CADM2: variants seen among roughly 807,000 people sequenced by gnomAD.
The protein encoded by CADM2 is immunoglobulin superfamily member 4D.
A neutral mutation model predicts 49.8 loss-of-function variants in CADM2; 12 were observed. That is an observed-to-expected ratio of 0.24 (90% CI 0.15 to 0.39). The LOEUF (loss-of-function observed/expected upper bound fraction) is 0.39, where lower values mean the gene tolerates loss of function less well. CADM2 is among the 10% of genes least tolerant of loss of function. CADM2 has a pLI of 1.00. For synonymous variants in CADM2, 214 were observed against 175.4 expected, an observed-to-expected ratio of 1.22 and a Z score of -1.74; for missense variants, 378 against 492.3, an observed-to-expected ratio of 0.77 and a Z score of 2.20.
At chr3:85,540,923 T>C (rs2061524328) in intron 1 of CADM2, among the ~76,000 whole-genome samples, 1 of 152,116 alleles carries the variant, frequency 6.6e-6, no homozygotes, top group Non-Finnish European at 1.5e-5. Flanking sequence ...TGTGTCTCTT[T>C]CTTTTCTTAT....
intron 1 of CADM2, among the ~76,000 whole-genome samples, chr3:85,353,605 G>A (rs529152403): frequency 1.3e-5 from 2 of 149,970 alleles, no homozygotes; most frequent in Admixed American, 6.6e-5. Flanking sequence ...TAAGGATCGT[G>A]TTTGTTTTCC....
At chr3:86,054,348 T>A (rs1737672831) in intron 8 of CADM2, among the ~76,000 whole-genome samples, 1 of 152,058 alleles carries the variant, frequency 6.6e-6, no homozygotes, top group African/African-American at 2.4e-5. Context: ...TATAACAGAA[T>A]TGATTTGACT....
chr3:86,021,516 G>T (rs898634261), intron 8 of CADM2, among the ~76,000 whole-genome samples: 2 of 152,034 alleles, frequency 1.3e-5, no homozygotes, highest in African/African-American at 4.8e-5. Flanking sequence ...TCTACAAAAA[G>T]TCTGTGAAAA....
chr3:85,448,088 T>C (rs1214910347), intron 1 of CADM2, among the ~76,000 whole-genome samples: 1 of 151,980 alleles, frequency 6.6e-6, no homozygotes, highest in East Asian at 1.9e-4. Flanking sequence ...TCCCAGCACT[T>C]TGGAAGGGCG....
At chr3:86,061,037 A>G (rs1313357262) in intron 8 of CADM2, among the ~76,000 whole-genome samples, 1 of 151,538 alleles carries the variant, frequency 6.6e-6, no homozygotes, top group Non-Finnish European at 1.5e-5. Flanking sequence ...TAATATGTTA[A>G]TATTTAAACA....
chr3:85,748,309 A>G (rs918353240), intron 2 of CADM2, among the ~76,000 whole-genome samples: 3 of 152,000 alleles, frequency 2.0e-5, no homozygotes, highest in South Asian at 2.1e-4. Context: ...CTTATAATCA[A>G]CTTTATCTTA....
intron 1 of CADM2, among the ~76,000 whole-genome samples, chr3:85,347,068 C>G (rs771575955): frequency 3.7e-4 from 56 of 151,450 alleles, no homozygotes; most frequent in Non-Finnish European, 5.5e-4. Context: ...ACTAAAAATA[C>G]AAAAATTAGC....
chr3:86,032,546 C>A (rs1044376941), intron 8 of CADM2, among the ~76,000 whole-genome samples: 1 of 151,724 alleles, frequency 6.6e-6, no homozygotes, highest in African/African-American at 2.4e-5. Flanking sequence ...AAATTAAAGT[C>A]AATGAATTAT....
intron 1 of CADM2, among the ~76,000 whole-genome samples, chr3:85,421,351 T>C (rs1378769081): frequency 6.6e-6 from 1 of 152,246 alleles, no homozygotes; most frequent in African/African-American, 2.4e-5. Context: ...CAAGTGTTTC[T>C]ATTTTTAAGA....
intron 1 of CADM2, among the ~76,000 whole-genome samples, chr3:85,391,911 AG>A (rs1267027874): frequency 6.6e-6 from 1 of 152,100 alleles, no homozygotes; most frequent in Non-Finnish European, 1.5e-5. Flanking sequence ...AATGTTCAAA[AG>A]AATTCCCTTC....
intron 1 of CADM2, among the ~76,000 whole-genome samples, chr3:85,450,741 A>T (rs1454907773): frequency 6.6e-6 from 1 of 152,070 alleles, no homozygotes; most frequent in Non-Finnish European, 1.5e-5. Context: ...AATTACCTTT[A>T]TCAAAACTTT....
chr3:85,164,828 T>G (rs1320487298), intron 1 of CADM2, among the ~76,000 whole-genome samples: 1 of 152,060 alleles, frequency 6.6e-6, no homozygotes, highest in Non-Finnish European at 1.5e-5. Context: ...ATTTCCACTT[T>G]TAAATTAAAA....
intron 1 of CADM2, among the ~76,000 whole-genome samples, chr3:85,594,056 CT>C (rs1220735093): frequency 6.6e-6 from 1 of 151,728 alleles, no homozygotes; most frequent in African/African-American, 2.4e-5. Context: ...CTGGCTATTG[CT>C]GGTTACATAT....
At chr3:85,294,960 A>G (rs1313321025) in intron 1 of CADM2, among the ~76,000 whole-genome samples, 1 of 152,216 alleles carries the variant, frequency 6.6e-6, no homozygotes, top group Non-Finnish European at 1.5e-5. Context: ...TAAACTCAAG[A>G]GCTTCTGCAC....
intron 1 of CADM2, among the ~76,000 whole-genome samples, chr3:85,181,462 T>G (rs2040931795): frequency 6.6e-6 from 1 of 152,102 alleles, no homozygotes; most frequent in African/African-American, 2.4e-5. Flanking sequence ...AACTGAAGTG[T>G]AATATGAGAT....
intron 1 of CADM2, among the ~76,000 whole-genome samples, chr3:85,707,116 G>A (rs1454907295): frequency 6.6e-6 from 1 of 151,982 alleles, no homozygotes; most frequent in Non-Finnish European, 1.5e-5. Flanking sequence ...ACAGGCATGA[G>A]CCACCAAGCC....
At chr3:85,031,816 G>A (rs182357782) in intron 1 of CADM2, among the ~76,000 whole-genome samples, 92 of 152,238 alleles carry the variant, frequency 6.0e-4, no homozygotes, top group African/African-American at 2.1e-3. Context: ...CACCACGCCC[G>A]GCCCAGATGT....
intron 1 of CADM2, among the ~76,000 whole-genome samples, chr3:85,228,167 G>C (rs1321774005): frequency 6.6e-6 from 1 of 151,986 alleles, no homozygotes; most frequent in Non-Finnish European, 1.5e-5. Flanking sequence ...TTGAATGTTG[G>C]CCTGCCTTGC....
chr3:85,801,993 G>GT, intron 2 of CADM2, 54 bp from the exon 3 acceptor site: 2 of 1,332,330 alleles, frequency 1.5e-6, no homozygotes, highest in Admixed American at 4.7e-5. Flanking sequence ...ATCTTAGGCA[G>GT]TTAATCATTT....
Sources: allele counts gnomAD v4.1 joint callset (sites outside exome capture counted in the v4.1 genomes callset), GRCh38; gene constraint gnomAD v4.1.1; transcripts MANE v1.5; gene names NCBI Gene and HGNC (gene_info 2026-07-23, HGNC 2026-07-21).